The following SYT10 variants were observed in gnomAD, a reference collection of about 807,000 sequenced individuals.
SYT10 encodes synaptotagmin-10.
Under a neutral mutation model 51.1 loss-of-function variants are expected in SYT10, and 31 were observed. That is an observed-to-expected ratio of 0.61 (90% CI 0.46 to 0.82). The LOEUF (loss-of-function observed/expected upper bound fraction) is 0.82, where lower values mean the gene tolerates loss of function less well. SYT10 is among the 40% of genes least tolerant of loss of function. The probability of loss-of-function intolerance (pLI) is 0.00; values close to 1 mark genes in which losing one functional copy is unlikely to be tolerated. For synonymous variants in SYT10, 233 were observed against 225.9 expected (o/e 1.03, Z -0.28); for missense variants, 603 against 634.0 (o/e 0.95, Z 0.53).
intron 6 of SYT10, among the ~76,000 whole-genome samples, chr12:33,377,406 A>C (rs1866072620): frequency 6.6e-6 from 1 of 150,696 alleles, no homozygotes; most frequent in South Asian, 2.1e-4. Flanking sequence ...TAGTGAGGGA[A>C]GATTTCTAGG....
intron 4 of SYT10, among the ~76,000 whole-genome samples, chr12:33,383,436 C>T (rs1269216695): frequency 6.6e-6 from 1 of 152,034 alleles, no homozygotes; most frequent in African/African-American, 2.4e-5. Context: ...GCTTCTTAGA[C>T]TCTTGAAATA....
At chr12:33,436,387 T>C (rs552800340) in intron 1 of SYT10, among the ~76,000 whole-genome samples, 1 of 152,190 alleles carries the variant, frequency 6.6e-6, no homozygotes, top group Admixed American at 6.5e-5. Flanking sequence ...ATATCTGATA[T>C]TCTAAAAAGT....
chr12:33,388,121 TA>T (rs5797531), intron 3 of SYT10, among the ~76,000 whole-genome samples: 69,722 of 151,658 alleles, frequency 0.46, 17,617 homozygotes, highest in East Asian at 0.89. Flanking sequence ...ACAAAACTGC[TA>T]AAAAAAAGAA....
At chr12:33,408,190 C>T (rs932019546) in intron 2 of SYT10, 1 of 152,098 alleles carries the variant, frequency 6.6e-6, no homozygotes, top group African/African-American at 2.4e-5. Flanking sequence ...TCCACATTTT[C>T]TTATAATGAG....
intron 1 of SYT10, among the ~76,000 whole-genome samples, chr12:33,430,651 T>C (rs1866589481): frequency 6.6e-6 from 1 of 152,042 alleles, no homozygotes; most frequent in Admixed American, 6.5e-5. Context: ...GTACAAAATG[T>C]ACAAAAATGT....
chr12:33,426,236 G>C lies in SYT10; in HGVS notation c.411C>G (p.Ser137=), dbSNP rs1178126810. ...IEPAIKISHT[S]PDIPAEVQTA... ...TTTGGACTTCTGCTGGGATGTCAGG[G>C]GAAGTGTGGCTGATTTTTATTGCAG... The change falls in exon 2 of 7, where the codon TCC becomes TCG. Residue 137 remains serine (S), a synonymous_variant. Transcript: ENST00000228567. 6.2e-7 allele frequency: 1 copy of C among 1,614,132 alleles called. No homozygotes were observed. The highest frequency in any genetic ancestry group is 8.5e-7 in the Non-Finnish European group (1 of 1,180,032).
At chr12:33,431,397 A>G (rs1866595869) in intron 1 of SYT10, among the ~76,000 whole-genome samples, 2 of 152,198 alleles carry the variant, frequency 1.3e-5, no homozygotes, top group African/African-American at 4.8e-5. Flanking sequence ...ACTAGTAGTC[A>G]CTTTCTCATC....
chr12:33,407,360 AAC>A lies in SYT10; in HGVS notation c.510-6_510-5del, dbSNP rs2138415883. The A allele has an allele frequency of 2.5e-6, 4 of 1,601,232 alleles. No individual in the cohort carries two copies. The highest frequency in any genetic ancestry group is 1.1e-5 in the South Asian group (1 of 90,994). Reference sequence around the variant, plus strand: ...GTGTCTTCGGAAGGAACTGTGGCTGAACACACACACATATACACAAAATCATT... The same window carrying A: ...GTGTCTTCGGAAGGAACTGTGGCTGAACACACACATATACACAAAATCATT... On this transcript the variant is annotated splice_polypyrimidine_tract_variant and splice_region_variant and intron_variant, in intron 2 of 6. Transcript: ENST00000228567.
intron 1 of SYT10, among the ~76,000 whole-genome samples, chr12:33,430,566 T>G (rs1294318618): frequency 6.6e-6 from 1 of 152,244 alleles, no homozygotes; most frequent in Non-Finnish European, 1.5e-5. Flanking sequence ...CTGCTTGAAT[T>G]GATATTCTCC....
chr12:33,380,662 G>T (rs1866106389), intron 5 of SYT10, among the ~76,000 whole-genome samples: 1 of 152,114 alleles, frequency 6.6e-6, no homozygotes, highest in Admixed American at 6.5e-5. Flanking sequence ...CCCCCACCAT[G>T]ACCATGAATA....
intron 2 of SYT10, among the ~76,000 whole-genome samples, chr12:33,411,456 T>A (rs1205712935): frequency 6.6e-6 from 1 of 152,174 alleles, no homozygotes; most frequent in Non-Finnish European, 1.5e-5. Flanking sequence ...AAAATTCTTA[T>A]CGAGTTTATA....
chr12:33,438,258 C>T (rs1866654043), intron 1 of SYT10, among the ~76,000 whole-genome samples: 2 of 152,164 alleles, frequency 1.3e-5, no homozygotes, highest in Admixed American at 1.3e-4. Flanking sequence ...CTCTTAAAAT[C>T]CCGCCAGGAG....
intron 3 of SYT10, among the ~76,000 whole-genome samples, chr12:33,388,479 A>G (rs576094606): frequency 7.9e-5 from 12 of 152,334 alleles, no homozygotes; most frequent in Admixed American, 3.9e-4. Context: ...AGTTTCCCAT[A>G]TCAACCTCTG....
intron 4 of SYT10, 75 bp from the exon 5 acceptor site, chr12:33,382,595 A>G (rs1866125589): frequency 7.4e-6 from 10 of 1,356,258 alleles, no homozygotes; most frequent in Non-Finnish European, 9.8e-6. Context: ...GTTTATTTTT[A>G]CTAAATAAGA....
At chr12:33,438,521 C>T (rs1199613187) in intron 1 of SYT10, among the ~76,000 whole-genome samples, 5 of 152,160 alleles carry the variant, frequency 3.3e-5, no homozygotes, top group African/African-American at 2.4e-5. Flanking sequence ...TTTCCACCCC[C>T]AAGCCTTGAG....
In SYT10 at chr12:33,439,619, G is replaced by GC. The variant is rs1866668272; in HGVS notation, c.-98dup. 7.0e-7 allele frequency: 1 copy of GC among 1,426,588 alleles called. No individual in the cohort carries two copies. The highest frequency in any genetic ancestry group is 1.4e-5 in the South Asian group (1 of 73,024). 88.4% of individuals were successfully genotyped at this position (1,426,588 alleles called of 1,614,324 possible). On this transcript the variant is annotated 5_prime_UTR_variant, in exon 1 of 7. Coordinates refer to ENST00000228567, the MANE Select transcript of SYT10 (RefSeq NM_198992.4). ...CCTCTGGCGCCCTAAGCCATAGTCC[G>GC]CCCGCGGTGACTTTGGCTGGAGATT... is the stretch of plus-strand genomic sequence containing the variant.
chr12:33,414,883 T>C (rs1294631819), intron 2 of SYT10, among the ~76,000 whole-genome samples: 1 of 152,176 alleles, frequency 6.6e-6, no homozygotes, highest in Non-Finnish European at 1.5e-5. Context: ...CACTGGAATA[T>C]AATGTATTAA....
At chr12:33,392,441 C>T (rs949514311) in intron 3 of SYT10, among the ~76,000 whole-genome samples, 4 of 152,118 alleles carry the variant, frequency 2.6e-5, no homozygotes, top group African/African-American at 9.7e-5. Context: ...GCACAACACG[C>T]CCTCCCTGCC....
intron 6 of SYT10, among the ~76,000 whole-genome samples, chr12:33,378,408 T>C (rs1383177906): frequency 1.3e-5 from 2 of 152,206 alleles, no homozygotes; most frequent in Non-Finnish European, 2.9e-5. Context: ...GAGTTCTTGC[T>C]CACATTATCT....
Sources: allele counts gnomAD v4.1 joint callset (sites outside exome capture counted in the v4.1 genomes callset), GRCh38; gene constraint gnomAD v4.1.1; transcripts MANE v1.5; gene names NCBI Gene and HGNC (gene_info 2026-07-23, HGNC 2026-07-21).